ZNF611: variants seen among roughly 807,000 people sequenced by gnomAD.
ZNF611 encodes zinc finger protein 611.
Under a neutral mutation model 8.9 loss-of-function variants are expected in ZNF611, and 6 were observed. The ratio of observed to expected loss-of-function variants is 0.68; its 90% CI spans 0.37 to 1.34. The LOEUF (loss-of-function observed/expected upper bound fraction) is 1.34, where lower values mean the gene tolerates loss of function less well. Ranked by LOEUF, ZNF611 falls within the 40% of genes most tolerant of loss-of-function variation. The probability of loss-of-function intolerance (pLI) is 0.02; values close to 1 mark genes in which losing one functional copy is unlikely to be tolerated. For missense variants in ZNF611, 874 were observed against 841.3 expected (o/e 1.04, Z -0.48); for synonymous variants, 262 against 279.7 (o/e 0.94, Z 0.63).
intron 5 of ZNF611, 77 bp downstream of exon 5, chr19:52,713,938 A>G (rs2062297283): frequency 6.3e-7 from 1 of 1,588,646 alleles, no homozygotes; most frequent in Non-Finnish European, 8.5e-7. Flanking sequence ...GCAAAATCAC[A>G]AAAGAGGATA....
In ZNF611 at chr19:52,706,609, T is replaced by G; in HGVS notation, c.446A>C (p.Asn149Thr). 6.2e-7 allele frequency: 1 copy of G among 1,614,184 alleles called. No individual in the cohort carries two copies. The highest frequency in any genetic ancestry group is 1.1e-5 in the South Asian group (1 of 91,084). ...TDQHDHRHAGNKPIKDQLGSS... is the reference protein window; with the variant it reads ...TDQHDHRHAGTKPIKDQLGSS... Reference sequence around the variant, plus strand: ...TCCAAGCTGATCTTTAATAGGCTTGTTTCCAGCATGCCTGTGATCATGTTG... The same window carrying G: ...TCCAAGCTGATCTTTAATAGGCTTGGTTCCAGCATGCCTGTGATCATGTTG... The change falls in exon 6 of 6, where the codon AAC becomes ACC. Residue 149 changes from asparagine to threonine, a missense_variant. Asn to Thr is a moderately conservative substitution (Grantham distance 65, BLOSUM62 0). Coordinates refer to ENST00000652185, the MANE Select transcript of ZNF611 (RefSeq NM_001161499.2).
At chr19:52,721,747 G>A (rs1056318403) in intron 3 of ZNF611, among the ~76,000 whole-genome samples, 1 of 151,932 alleles carries the variant, frequency 6.6e-6, no homozygotes, top group African/African-American at 2.4e-5. Flanking sequence ...GAGAGGGAGA[G>A]AGAGAGGGAG....
At position 52,705,078 on chromosome 19, in the gene ZNF611, G is replaced by A. The variant is rs779186700; in HGVS notation, c.1977C>T (p.Phe659=). The change falls in exon 6 of 6, where the codon TTC becomes TTT. Residue 659 remains phenylalanine (F), a synonymous_variant. Coordinates refer to ENST00000652185, the MANE Select transcript of ZNF611 (RefSeq NM_001161499.2). The part of the protein sequence containing the change: ...SYKCTICDKA[F]VRNSLLSRHT... ...GTCTTGACAGGAGTGAATTACGCAC[G>A]AAAGCCTTGTCACAAATTGTACATT... 5.7e-5 allele frequency: 92 copies of A among 1,613,902 alleles called. No homozygotes were observed. The highest frequency in any genetic ancestry group is 1.6e-4 in the Middle Eastern group (1 of 6,082).
Position 52,715,853 on chromosome 19 carries a change from CTCCTT to C in ZNF611, c.37_41del (p.Lys13AlafsTer80), listed in dbSNP as rs1568604159. 1 of 1,613,046 alleles carries C rather than the reference CTCCTT, an allele frequency of 6.2e-7. No homozygotes were observed. ...TCACCTGAGGAAGAGCCATGCCTGG[CTCCTT>C]TCCTTTCCTCTTCTGAGCTGCTTCC... On this transcript the variant is annotated frameshift_variant, in exon 4 of 6. Coordinates refer to ENST00000652185, the MANE Select transcript of ZNF611 (RefSeq NM_001161499.2). LOFTEE classifies it high-confidence loss of function.
At position 52,705,112 on chromosome 19, in the gene ZNF611, TTC is replaced by T; in HGVS notation, c.1941_1942del (p.Lys648IlefsTer8). On this transcript the variant is annotated frameshift_variant, in exon 6 of 6. Transcript: ENST00000652185. LOFTEE classifies it low-confidence loss of function (END_TRUNC). Reference sequence around the variant, plus strand: ...GTCACAAATTGTACATTTGTAAGATTTCTCTCCAGTATGAAGTCTACGATGGT... The same window carrying T: ...GTCACAAATTGTACATTTGTAAGATTTCTCCAGTATGAAGTCTACGATGGT... 1 of 1,614,178 alleles carries T rather than the reference TTC, an allele frequency of 6.2e-7. No individual in the cohort carries two copies. The highest frequency in any genetic ancestry group is 8.5e-7 in the Non-Finnish European group (1 of 1,180,034).
In ZNF611 at chr19:52,703,805, A is replaced by G. The variant is rs2062221262; in HGVS notation, c.*1132T>C. The G allele has an allele frequency of 6.6e-6, 1 of 152,306 alleles. No individual in the cohort carries two copies. The highest frequency in any genetic ancestry group is 2.4e-5 in the African/African-American group (1 of 41,178). The allele number at this position is 152,306 out of a possible 1,614,324, so 9.4% of individuals were successfully genotyped here. ...ACAGGGATTCACCCTGTTAGCCAGGAAAGTCTCGATCTCCTGACCCCGTGA... is the reference window on the plus strand; with the variant it reads ...ACAGGGATTCACCCTGTTAGCCAGGGAAGTCTCGATCTCCTGACCCCGTGA... On this transcript the variant is annotated 3_prime_UTR_variant, in exon 6 of 6. Coordinates refer to ENST00000652185, the MANE Select transcript of ZNF611 (RefSeq NM_001161499.2).
chr19:52,706,963 C>T (rs938587766), intron 5 of ZNF611, 99 bp from the exon 6 acceptor site: 238 of 1,505,666 alleles, frequency 1.6e-4, no homozygotes, highest in Middle Eastern at 3.6e-4. Flanking sequence ...TTATTTTGAA[C>T]TTCCCAAACA....
In ZNF611 at chr19:52,705,150, T is replaced by A. The variant is rs755028001; in HGVS notation, c.1905A>T (p.Ser635=). Reference sequence around the variant, plus strand: ...GAAGTCTACGATGGTATATAAGGGATGAGCAGTGACGGAAGGTATTGCCAC... The same window carrying A: ...GAAGTCTACGATGGTATATAAGGGAAGAGCAGTGACGGAAGGTATTGCCAC... The part of the protein sequence containing the change: ...NECGNTFRHC[S]SLIYHRRLHT... The change falls in exon 6 of 6, where the codon TCA becomes TCT. Residue 635 remains serine (S), a synonymous_variant. Transcript: ENST00000652185. The A allele has an allele frequency of 3.7e-6, 6 of 1,614,040 alleles. No individual in the cohort carries two copies. Among genetic ancestry groups the A allele is most frequent in the Admixed American group, 3.3e-5 (2 of 59,998 alleles).
rs778257387 is a variant in ZNF611 at position 52,704,971 on chromosome 19, C to T, written c.2084G>A (p.Arg695His). The T allele has an allele frequency of 2.0e-5, 32 of 1,613,800 alleles. No individual in the cohort carries two copies. The highest frequency in any genetic ancestry group is 1.2e-4 in the Admixed American group (7 of 59,970). Reference protein sequence around the residue: ...KAFNQQSHLSRHHRIHTGEKP With the variant: ...KAFNQQSHLSHHHRIHTGEKP ...CTCTCCAGTATGAATTCTATGATGACGTGAAAGGTGTGATTGTTGATTAAA... is the reference window on the plus strand; with the variant it reads ...CTCTCCAGTATGAATTCTATGATGATGTGAAAGGTGTGATTGTTGATTAAA... Residue 695 changes from arginine (R) to histidine (H), a missense_variant, in exon 6 of 6, where the codon CGT (arginine) becomes CAT (histidine). Coordinates refer to ENST00000652185, the MANE Select transcript of ZNF611 (RefSeq NM_001161499.2).
intron 5 of ZNF611, among the ~76,000 whole-genome samples, chr19:52,712,796 A>G (rs916630049): frequency 2.6e-5 from 4 of 152,148 alleles, no homozygotes; most frequent in African/African-American, 7.2e-5. Flanking sequence ...GACATTATTT[A>G]TTATAGTAAA....
chr19:52,719,263 G>A (rs1191133223), intron 3 of ZNF611, among the ~76,000 whole-genome samples: 2 of 152,146 alleles, frequency 1.3e-5, no homozygotes, highest in African/African-American at 4.8e-5. Context: ...ATTACAAAAA[G>A]AGAACAAAAG....
At chr19:52,727,070 T>C (rs887200329) in intron 3 of ZNF611, among the ~76,000 whole-genome samples, 2 of 152,086 alleles carry the variant, frequency 1.3e-5, no homozygotes, top group African/African-American at 4.8e-5. Flanking sequence ...TTCACCATGT[T>C]GGCCAGGCTG....
chr19:52,706,319 A>C lies in ZNF611; in HGVS notation c.736T>G (p.Leu246Val), dbSNP rs1353906008. 1 of 1,614,206 alleles carries C rather than the reference A, an allele frequency of 6.2e-7. No individual in the cohort carries two copies. Among genetic ancestry groups the C allele is most frequent in the Non-Finnish European group, 8.5e-7 (1 of 1,180,042 alleles). Residue 246 changes from leucine to valine, a missense_variant, in exon 6 of 6, where the codon TTA becomes GTA. By Grantham distance (32) the Leu-to-Val change is conservative. Transcript: ENST00000652185. ...SGKAFNCSSL[L>V]RKHQIPHLGD... ...AAATGGGGTATCTGGTGTTTCCTTA[A>C]GAGTGAGCTACAATTAAAGGCTTTG...
intron 1 of ZNF611, among the ~76,000 whole-genome samples, chr19:52,734,663 A>G (rs1292367648): frequency 6.6e-6 from 1 of 151,458 alleles, no homozygotes; most frequent in Non-Finnish European, 1.5e-5. Context: ...GAGGAGGGGG[A>G]GGCTGGGAGG....
rs762362791 is a variant in ZNF611 at position 52,705,189 on chromosome 19, G to T, written c.1866C>A (p.Tyr622Ter). The T allele has an allele frequency of 6.2e-7, 1 of 1,614,122 alleles. No individual in the cohort carries two copies. Among genetic ancestry groups the T allele is most frequent in the Non-Finnish European group, 8.5e-7 (1 of 1,180,040 alleles). ...AGGTATTGCCACACTCATTACACTTGTAAGGTTTCTCACCACTATGAAGTC... is the reference window on the plus strand; with the variant it reads ...AGGTATTGCCACACTCATTACACTTTTAAGGTTTCTCACCACTATGAAGTC... ...HRRLHSGEKP[Y>*]KCNECGNTFR... Residue 622 changes from tyrosine to a stop codon, truncating the protein, a stop_gained, in exon 6 of 6, where the codon TAC (tyrosine) becomes TAA (stop). Coordinates refer to ENST00000652185, the MANE Select transcript of ZNF611 (RefSeq NM_001161499.2). LOFTEE classifies it low-confidence loss of function (END_TRUNC).
In ZNF611 at chr19:52,706,701, T is replaced by C. The variant is rs2062248059; in HGVS notation, c.354A>G (p.Gln118=). ...KEIHDIEFQC[Q]EDERNGLEAP... ...CTTCAAGGCCATTTCTTTCATCTTC[T>C]TGACACTGAAACTCAATGTCATGAA... The change falls in exon 6 of 6, where the codon CAA becomes CAG. Residue 118 remains glutamine (Q), a synonymous_variant. Coordinates refer to ENST00000652185, the MANE Select transcript of ZNF611 (RefSeq NM_001161499.2). 1 of 1,614,190 alleles carries C rather than the reference T, an allele frequency of 6.2e-7. No individual in the cohort carries two copies. The highest frequency in any genetic ancestry group is 1.1e-5 in the South Asian group (1 of 91,072).
At chr19:52,715,345 C>T (rs1340100558) in intron 4 of ZNF611, among the ~76,000 whole-genome samples, 1 of 152,092 alleles carries the variant, frequency 6.6e-6, no homozygotes, top group Non-Finnish European at 1.5e-5. Context: ...ATCCCCAATA[C>T]TGGGGAGGCT....
At chr19:52,722,721 C>G (rs1028308875) in intron 3 of ZNF611, among the ~76,000 whole-genome samples, 1 of 152,132 alleles carries the variant, frequency 6.6e-6, no homozygotes, top group African/African-American at 2.4e-5. Context: ...TCATCTGTAT[C>G]CAAAGTCCCC....
At position 52,727,894 on chromosome 19, in the gene ZNF611, T is replaced by C. The variant is rs115776704; in HGVS notation, c.-20+836A>G. Reference sequence around the variant, plus strand: ...CCTACTGAGACACAGGTACTATCTATCTTGTTGTGTGCCTTTTTTTTTTTT... The same window carrying C: ...CCTACTGAGACACAGGTACTATCTACCTTGTTGTGTGCCTTTTTTTTTTTT... On this transcript the variant is annotated intron_variant, in intron 3 of 5. Transcript: ENST00000652185. 6.1e-3 allele frequency among the ~76,000 whole-genome samples: 907 copies of C among 149,740 alleles called. 9 individuals carry two copies. The highest frequency in any genetic ancestry group is 0.021 in the African/African-American group (846 of 40,562).
Sources: allele counts gnomAD v4.1 joint callset (sites outside exome capture counted in the v4.1 genomes callset), GRCh38; gene constraint gnomAD v4.1.1; transcripts MANE v1.5; gene names NCBI Gene and HGNC (gene_info 2026-07-23, HGNC 2026-07-21).